The following XYLB variants were observed in gnomAD, a reference collection of about 807,000 sequenced individuals.
The protein encoded by XYLB is xylulose kinase.
Under a neutral mutation model 78.7 loss-of-function variants are expected in XYLB, and 62 were observed. The ratio of observed to expected loss-of-function variants is 0.79; its 90% CI spans 0.64 to 0.97. The LOEUF is 0.97. XYLB is among the 50% of genes least tolerant of loss of function. The probability of loss-of-function intolerance (pLI) is 0.00; values close to 1 mark genes in which losing one functional copy is unlikely to be tolerated. For missense variants in XYLB, 687 were observed against 676.8 expected (o/e 1.02, Z -0.17); for synonymous variants, 245 against 247.4 (o/e 0.99, Z 0.09).
At position 38,370,168 on chromosome 3, in the gene XYLB, AG is replaced by A; in HGVS notation, c.760del (p.Val254LeufsTer35). 1.2e-6 allele frequency: 2 copies of A among 1,611,814 alleles called. No individual in the cohort carries two copies. Among genetic ancestry groups the A allele is most frequent in the Admixed American group, 1.7e-5 (1 of 59,850 alleles). The part of the protein sequence containing the change: ...KLSPPVPSCS[V>X]VGAISSYYVQ... Reference sequence around the variant, plus strand: ...TTAGCCCACCAGTACCATCATGCTCAGTTGTGGTAGGTCTCCTTTCTGGTGA... The same window carrying A: ...TTAGCCCACCAGTACCATCATGCTCATTGTGGTAGGTCTCCTTTCTGGTGA... On this transcript the variant is annotated frameshift_variant, in exon 9 of 19. Transcript: ENST00000207870. LOFTEE classifies it high-confidence loss of function.
chr3:38,399,124 G>C (rs2125652689), intron 17 of XYLB, among the ~76,000 whole-genome samples: 1 of 152,116 alleles, frequency 6.6e-6, no homozygotes, highest in South Asian at 2.1e-4. Context: ...TTTTGTTTAA[G>C]ACAAGGTCTC....
chr3:38,429,117 A>C, the XYLB span, among the ~76,000 whole-genome samples: 3 of 152,174 alleles, frequency 2.0e-5, no homozygotes, highest in Admixed American at 6.5e-5. Context: ...TTAAGGTCTG[A>C]CCATCTCAAT....
chr3:38,351,461 T>C (rs886083453), intron 2 of XYLB, among the ~76,000 whole-genome samples: 2 of 152,190 alleles, frequency 1.3e-5, no homozygotes, highest in Non-Finnish European at 2.9e-5. Flanking sequence ...CAGATGCCTA[T>C]AGATTTAGTT....
At chr3:38,376,021 A>G (rs1706835287) in intron 12 of XYLB, 96 bp from the exon 13 acceptor site, 1 of 832,226 alleles carries the variant, frequency 1.2e-6, no homozygotes, top group Non-Finnish European at 2.1e-6. Context: ...GTCCAGCCTG[A>G]CCTGCAGTTC....
At chr3:38,383,136 C>A (rs1707228432) in intron 15 of XYLB, among the ~76,000 whole-genome samples, 1 of 152,160 alleles carries the variant, frequency 6.6e-6, no homozygotes, top group South Asian at 2.1e-4. Flanking sequence ...CGGCCCAGTT[C>A]CTTAGCAATT....
Position 38,360,465 on chromosome 3 carries a change from C to T in XYLB, c.210+57C>T, listed in dbSNP as rs2234604. The T allele has an allele frequency of 1.8e-3, 2,627 of 1,464,872 alleles. 43 individuals are homozygous for T. The African/African-American group carries it at 0.032, about 18-fold the overall frequency. The allele number at this position is 1,464,872 out of a possible 1,614,324, so 90.7% of individuals were successfully genotyped here. A position where few individuals can be genotyped will look rare whatever the true frequency, so the allele number is the denominator to read the frequency against. ...CCCCAGGCTGTCTCACTGGCAGACTCGGTGATTTGCTAGGAAGTCCAAAGG... is the reference window on the plus strand; with the variant it reads ...CCCCAGGCTGTCTCACTGGCAGACTTGGTGATTTGCTAGGAAGTCCAAAGG... On this transcript the variant is annotated intron_variant, in intron 3 of 18. Coordinates refer to ENST00000207870, the MANE Select transcript of XYLB (RefSeq NM_005108.4).
At chr3:38,379,188 CA>C in intron 14 of XYLB, 57 bp from the exon 15 acceptor site, 1 of 1,545,454 alleles carries the variant, frequency 6.5e-7, no homozygotes, top group East Asian at 2.2e-5. Context: ...CACACACATA[CA>C]CACACGAATG....
In XYLB at chr3:38,384,209, G is replaced by A. The variant is rs1267953497; in HGVS notation, c.1291+4867G>A. On this transcript the variant is annotated intron_variant, in intron 15 of 18. Transcript: ENST00000207870. Reference sequence around the variant, plus strand: ...AGTCTCCTAAGTAACTGGGACTACAGGTGCACACCACCACGCCCAGCTAGT... The same window carrying A: ...AGTCTCCTAAGTAACTGGGACTACAAGTGCACACCACCACGCCCAGCTAGT... Among the ~76,000 whole-genome samples the A allele has an allele frequency of 3.3e-5, 5 of 152,122 alleles. No homozygotes were observed. In the East Asian group the frequency reaches 9.6e-4, roughly 29 times the overall value.
At chr3:38,380,631 C>T (rs73825556) in intron 15 of XYLB, among the ~76,000 whole-genome samples, 6,299 of 152,222 alleles carry the variant, frequency 0.041, 257 homozygotes, top group African/African-American at 0.11. Flanking sequence ...ACCTGTTAGA[C>T]AGCATCTGCT....
the XYLB span, among the ~76,000 whole-genome samples, chr3:38,446,945 T>C: frequency 6.6e-6 from 1 of 152,206 alleles, no homozygotes; most frequent in Non-Finnish European, 1.5e-5. Context: ...AAAAGGCTTC[T>C]GCAAAGCAAA....
chr3:38,377,135 G>A (rs978023420), intron 14 of XYLB, 144 bp downstream of exon 14: 33 of 726,116 alleles, frequency 4.5e-5, no homozygotes, highest in Middle Eastern at 7.5e-4. Flanking sequence ...GTGTGCCAGG[G>A]TGCATTCTAG....
intron 3 of XYLB, 121 bp downstream of exon 3, chr3:38,360,529 A>T: frequency 2.4e-6 from 2 of 834,608 alleles, no homozygotes. Context: ...CCAGGTCCTC[A>T]TGGGAAGGTG....
downstream of XYLB, among the ~76,000 whole-genome samples, chr3:38,424,862 T>A (rs1709069883): frequency 6.6e-6 from 1 of 152,208 alleles, no homozygotes; most frequent in Admixed American, 6.5e-5. Flanking sequence ...GTCATACACC[T>A]CTTCCAGGAC....
In XYLB at chr3:38,402,945, C is replaced by G. The variant is rs145973192; in HGVS notation, c.1533+1960C>G. Reference sequence around the variant, plus strand: ...TAAATGATTAAAATTAATTTTAATACATTTTATTTAATCCACTATATCTGA... The same window carrying G: ...TAAATGATTAAAATTAATTTTAATAGATTTTATTTAATCCACTATATCTGA... On this transcript the variant is annotated intron_variant, in intron 18 of 18. Transcript: ENST00000207870. Among the ~76,000 whole-genome samples, 1,131 of 152,134 alleles carry G rather than the reference C, an allele frequency of 7.4e-3. 14 individuals are homozygous for G. Among genetic ancestry groups the G allele is most frequent in the African/African-American group, 0.025 (1,036 of 41,472 alleles).
the XYLB span, chr3:38,451,812 T>C: frequency 0.44 from 64,390 of 146,000 alleles, 15,908 homozygotes; most frequent in Non-Finnish European, 0.57. Context: ...AAATTTGAGA[T>C]GCCTGATAGG....
chr3:38,384,344 G>C (rs994095837), intron 15 of XYLB, among the ~76,000 whole-genome samples: 7 of 152,206 alleles, frequency 4.6e-5, no homozygotes, highest in African/African-American at 1.7e-4. Context: ...GGGATTGCAA[G>C]TGTGAGCCAC....
chr3:38,367,509 G>A (rs1256366851), intron 7 of XYLB, among the ~76,000 whole-genome samples: 5 of 152,222 alleles, frequency 3.3e-5, no homozygotes, highest in Non-Finnish European at 5.9e-5. Context: ...ATGATTTGAG[G>A]TTCCAGATTA....
At chr3:38,401,734 G>A (rs1049906343) in intron 18 of XYLB, among the ~76,000 whole-genome samples, 1 of 152,164 alleles carries the variant, frequency 6.6e-6, no homozygotes, top group South Asian at 2.1e-4. Context: ...AAAGTGGGCT[G>A]TCAGCTGAGG....
chr3:38,446,079 A>C, the XYLB span, among the ~76,000 whole-genome samples: 1 of 152,178 alleles, frequency 6.6e-6, no homozygotes, highest in African/African-American at 2.4e-5. Flanking sequence ...TGAAGAGTGA[A>C]AGAACAAAGC....
Sources: allele counts gnomAD v4.1 joint callset (sites outside exome capture counted in the v4.1 genomes callset), GRCh38; gene constraint gnomAD v4.1.1; transcripts MANE v1.5; gene names NCBI Gene and HGNC (gene_info 2026-07-23, HGNC 2026-07-21).